Variants in SERPINB10 observed in about 807,000 individuals in gnomAD.
The protein encoded by SERPINB10 is serpin family B member 10, also known as serpin B10.
Under a neutral mutation model 39.1 loss-of-function variants are expected in SERPINB10, and 35 were observed. That is an observed-to-expected ratio of 0.90 (90% CI 0.68 to 1.19). The LOEUF (loss-of-function observed/expected upper bound fraction) is 1.19. Ranked by LOEUF, SERPINB10 falls within the 50% of genes most tolerant of loss-of-function variation. SERPINB10 has a pLI of 0.00. For missense variants in SERPINB10, 546 were observed against 460.5 expected, an observed-to-expected ratio of 1.19 and a Z score of -1.70; for synonymous variants, 190 against 158.1, an observed-to-expected ratio of 1.20 and a Z score of -1.52.
rs144621138 is a variant in SERPINB10 at position 63,930,142 on chromosome 18, A to T, written c.588A>T (p.Gln196His). ...ACTTTAAAGGAATCTGGGAACATCA[A>T]TTCTTAGTGCAAAACACCACAGAAA... is the stretch of plus-strand genomic sequence containing the variant. ...ALYFKGIWEH[Q>H]FLVQNTTEKP... is the part of the protein sequence containing the mutation. The change falls in exon 6 of 8, where the codon CAA (glutamine) becomes CAT (histidine). Residue 196 changes from glutamine (Q) to histidine (H), a missense_variant. Transcript: ENST00000238508. 1 of 1,613,462 alleles carries T rather than the reference A, an allele frequency of 6.2e-7. No individual in the cohort carries two copies. The highest frequency in any genetic ancestry group is 1.7e-5 in the Admixed American group (1 of 59,936).
intron 4 of SERPINB10, among the ~76,000 whole-genome samples, chr18:63,919,236 A>ATTTTT (rs397969917): frequency 0.015 from 2,184 of 142,864 alleles, 64 homozygotes; most frequent in East Asian, 0.066. Context: ...TGAAGGCCTC[A>ATTTTT]TTTTTTTTTT....
intron 1 of SERPINB10, among the ~76,000 whole-genome samples, chr18:63,914,958 A>G (rs1177170673): frequency 2.0e-5 from 3 of 152,126 alleles, no homozygotes; most frequent in Non-Finnish European, 2.9e-5. Context: ...CAATTTCTCT[A>G]CAAGCATTTT....
chr18:63,911,328 C>T (rs183036678), intron 1 of SERPINB10, among the ~76,000 whole-genome samples: 105 of 151,338 alleles, frequency 6.9e-4, no homozygotes, highest in Admixed American at 3.4e-3. Flanking sequence ...CTTTTGAAGA[C>T]TTAGTCATGA....
chr18:63,915,662 C>T lies in SERPINB10; in HGVS notation c.152C>T (p.Ala51Val). The T allele has an allele frequency of 2.5e-6, 4 of 1,610,364 alleles. No homozygotes were observed. The highest frequency in any genetic ancestry group is 3.4e-6 in the Non-Finnish European group (4 of 1,177,724). Reference sequence around the variant, plus strand: ...TATTTGGGCGCCAAAGGTACCACTGCAGCCCAAATGGCCCAGGTGAGTGGA... The same window carrying T: ...TATTTGGGCGCCAAAGGTACCACTGTAGCCCAAATGGCCCAGGTGAGTGGA... ...IVYLGAKGTT[A>V]AQMAQVLQFN... The change falls in exon 2 of 8, where the codon GCA (alanine) becomes GTA (valine). Residue 51 changes from alanine to valine, a missense_variant. Coordinates refer to ENST00000238508, the MANE Select transcript of SERPINB10 (RefSeq NM_005024.3).
At chr18:63,908,625 C>T (rs1408781452) in intron 1 of SERPINB10, among the ~76,000 whole-genome samples, 1 of 151,958 alleles carries the variant, frequency 6.6e-6, no homozygotes, top group South Asian at 2.1e-4. Context: ...TTCCTAATCC[C>T]CCACATCATA....
rs1221143607 is a variant in SERPINB10, at chr18:63,930,271, T to C, written c.633+84T>C. ...TTATAAATTCACTCTTCTTTTAGAT[T>C]GTATGTTCTAGTGAACTATGGCTCT... On this transcript the variant is annotated intron_variant, in intron 6 of 7. Coordinates refer to ENST00000238508, the MANE Select transcript of SERPINB10 (RefSeq NM_005024.3). 6 of 1,459,814 alleles carry C rather than the reference T, an allele frequency of 4.1e-6. No individual in the cohort carries two copies. The Admixed American group carries it at 1.1e-4, about 27-fold the overall frequency. 90.4% of individuals were successfully genotyped at this position (1,459,814 alleles called of 1,614,324 possible). A position where few individuals can be genotyped will look rare whatever the true frequency, so the allele number is the denominator to read the frequency against.
At chr18:63,910,746 G>T (rs2050058416) in intron 1 of SERPINB10, among the ~76,000 whole-genome samples, 1 of 148,884 alleles carries the variant, frequency 6.7e-6, no homozygotes, top group Non-Finnish European at 1.5e-5. Context: ...TGTGAATAGT[G>T]CTGTGATGAA....
chr18:63,931,012 C>T (rs748995792), intron 6 of SERPINB10, among the ~76,000 whole-genome samples: 7 of 152,138 alleles, frequency 4.6e-5, no homozygotes, highest in African/African-American at 7.2e-5. Flanking sequence ...GGGGAAGAAA[C>T]TGAACACATA....
Position 63,920,177 on chromosome 18 carries a change from G to A in SERPINB10, c.490+272G>A, listed in dbSNP as rs149618816. On this transcript the variant is annotated intron_variant, in intron 5 of 7. Coordinates refer to ENST00000238508, the MANE Select transcript of SERPINB10 (RefSeq NM_005024.3). ...ACTAATTCCAAAGAAGAGCCCAAGG[G>A]TAAAAAGCAGAAAAATGCAAAAAGG... Among the ~76,000 whole-genome samples the A allele has an allele frequency of 5.7e-3, 868 of 152,038 alleles. 24 individuals carry two copies. The highest frequency in any genetic ancestry group is 2.4e-3 in the Non-Finnish European group (163 of 67,938).
intron 2 of SERPINB10, among the ~76,000 whole-genome samples, chr18:63,917,113 T>TG (rs2050109212): frequency 6.6e-6 from 1 of 152,050 alleles, no homozygotes; most frequent in Non-Finnish European, 1.5e-5. Flanking sequence ...GTCTAAATGA[T>TG]GGTCTCAGTT....
At chr18:63,928,374 C>T (rs2050194995) in intron 5 of SERPINB10, among the ~76,000 whole-genome samples, 1 of 152,024 alleles carries the variant, frequency 6.6e-6, no homozygotes, top group South Asian at 2.1e-4. Context: ...TTTTATAAAT[C>T]GTTCAAGGTG....
In SERPINB10 at chr18:63,917,489, T is replaced by C. The variant is rs760665285; in HGVS notation, c.202T>C (p.Cys68Arg). Reference sequence around the variant, plus strand: ...ATTTAACAGAGACCAGGGAGTCAAATGTGACCCTGAAAGTGAAAAAAAAAG... The same window carrying C: ...ATTTAACAGAGACCAGGGAGTCAAACGTGACCCTGAAAGTGAAAAAAAAAG... Reference protein sequence around the residue: ...LQFNRDQGVKCDPESEKKRKM... With the variant: ...LQFNRDQGVKRDPESEKKRKM... Residue 68 changes from cysteine to arginine, a missense_variant, in exon 3 of 8, where the codon TGT becomes CGT. Physicochemically the swap from Cys to Arg is radical, Grantham distance 180. Coordinates refer to ENST00000238508, the MANE Select transcript of SERPINB10 (RefSeq NM_005024.3). 1 of 1,584,216 alleles carries C rather than the reference T, an allele frequency of 6.3e-7. No individual in the cohort carries two copies. Among genetic ancestry groups the C allele is most frequent in the South Asian group, 1.2e-5 (1 of 86,830 alleles).
At chr18:63,924,665 T>C (rs1310953255) in intron 5 of SERPINB10, among the ~76,000 whole-genome samples, 3 of 151,956 alleles carry the variant, frequency 2.0e-5, no homozygotes, top group Non-Finnish European at 4.4e-5. Context: ...ACAAGCTCCA[T>C]GAATGCATGG....
At chr18:63,915,817 A>G in intron 2 of SERPINB10, 139 bp downstream of exon 2, 1 of 715,904 alleles carries the variant, frequency 1.4e-6, no homozygotes. Flanking sequence ...ACATTAAAAC[A>G]TTCTATACCA....
At chr18:63,912,087 T>A (rs2050069085) in intron 1 of SERPINB10, among the ~76,000 whole-genome samples, 1 of 151,994 alleles carries the variant, frequency 6.6e-6, no homozygotes. Context: ...CCTGTTTGAA[T>A]GTTATTGGTA....
chr18:63,918,151 T>G (rs2050118595), intron 4 of SERPINB10, 49 bp downstream of exon 4: 1 of 1,588,552 alleles, frequency 6.3e-7, no homozygotes. Context: ...AAGAGCAATG[T>G]GAGACCAATC....
At chr18:63,909,609 T>C (rs533527994) in intron 1 of SERPINB10, among the ~76,000 whole-genome samples, 1 of 152,130 alleles carries the variant, frequency 6.6e-6, no homozygotes, top group African/African-American at 2.4e-5. Flanking sequence ...TTCAGGAACA[T>C]GTTACAAGTA....
chr18:63,926,653 CAATG>C (rs150725113), intron 5 of SERPINB10, among the ~76,000 whole-genome samples: 1 of 151,970 alleles, frequency 6.6e-6, no homozygotes, highest in Non-Finnish European at 1.5e-5. Context: ...TCATGAAAGA[CAATG>C]AATGAGTGAG....
At position 63,915,487 on chromosome 18, in the gene SERPINB10, C is replaced by T. The variant is rs1282099893; in HGVS notation, c.-9-15C>T. On this transcript the variant is annotated splice_polypyrimidine_tract_variant and intron_variant, in intron 1 of 7. Coordinates refer to ENST00000238508, the MANE Select transcript of SERPINB10 (RefSeq NM_005024.3). ...ATATTAATATGCTCTCTAATTTTTG[C>T]TTTATTTTTCTTAGGTTTCCTCAAT... 7.7e-6 allele frequency: 12 copies of T among 1,564,292 alleles called. No homozygotes were observed. The highest frequency in any genetic ancestry group is 3.8e-5 in the Admixed American group (2 of 52,804).
Sources: allele counts gnomAD v4.1 joint callset (sites outside exome capture counted in the v4.1 genomes callset), GRCh38; gene constraint gnomAD v4.1.1; transcripts MANE v1.5; gene names NCBI Gene and HGNC (gene_info 2026-07-23, HGNC 2026-07-21).